The following ARL15 variants were observed in gnomAD, a reference collection of about 807,000 sequenced individuals.
ARL15 encodes the protein ARF like GTPase 15.
In ARL15, 19 loss-of-function variants were observed where a neutral mutation model predicts 25.2. The ratio of observed to expected loss-of-function variants is 0.75; its 90% CI spans 0.53 to 1.10. The LOEUF is 1.10. Ranked by LOEUF, ARL15 falls within the 50% of genes least tolerant of loss-of-function variation. The pLI, the probability that ARL15 is intolerant of heterozygous loss-of-function variation, is 0.00. For missense variants in ARL15, 220 were observed against 246.0 expected (o/e 0.89, Z 0.71); for synonymous variants, 94 against 86.8 (o/e 1.08, Z -0.46).
intron 4 of ARL15, among the ~76,000 whole-genome samples, chr5:54,110,584 C>T (rs1351184374): frequency 6.6e-6 from 1 of 151,908 alleles, no homozygotes; most frequent in East Asian, 1.9e-4. Context: ...GATTAAAATA[C>T]CATCTTTTTA....
At chr5:54,201,705 T>C (rs996719571) in intron 1 of ARL15, among the ~76,000 whole-genome samples, 1 of 152,148 alleles carries the variant, frequency 6.6e-6, no homozygotes, top group Non-Finnish European at 1.5e-5. Flanking sequence ...ACTCAATCTT[T>C]CCTCTTGCAC....
In ARL15 at chr5:53,886,510, C is replaced by T; in HGVS notation, c.*51G>A. The T allele has an allele frequency of 6.6e-7, 1 of 1,505,146 alleles. No individual in the cohort carries two copies. Among genetic ancestry groups the T allele is most frequent in the Non-Finnish European group, 8.9e-7 (1 of 1,129,586 alleles). The allele number at this position is 1,505,146 out of a possible 1,614,324, so 93.2% of individuals were successfully genotyped here. A position where few individuals can be genotyped will look rare whatever the true frequency, so the allele number is the denominator to read the frequency against. ...ACCAAAATAAAATTAAAATGAGAAA[C>T]TAACATGATAGGTTCAAGGCCTTTT... On this transcript the variant is annotated 3_prime_UTR_variant, in exon 5 of 5. Transcript: ENST00000504924.
intron 4 of ARL15, among the ~76,000 whole-genome samples, chr5:54,018,355 G>A (rs1749491063): frequency 6.6e-6 from 1 of 152,096 alleles, no homozygotes. Context: ...TAAATCCAAG[G>A]ATTGCAGACA....
chr5:53,942,610 G>A (rs1184566040), intron 4 of ARL15, among the ~76,000 whole-genome samples: 1 of 152,164 alleles, frequency 6.6e-6, no homozygotes, highest in African/African-American at 2.4e-5. Flanking sequence ...GCTGGGCATG[G>A]TGGCATGCGC....
intron 1 of ARL15, among the ~76,000 whole-genome samples, chr5:54,186,940 T>C (rs1379110908): frequency 1.4e-5 from 2 of 140,430 alleles, no homozygotes; most frequent in Non-Finnish European, 3.1e-5. Flanking sequence ...ACCAGGAAAA[T>C]AAGATTCTTG....
At chr5:54,067,646 T>C (rs1194914244) in intron 4 of ARL15, among the ~76,000 whole-genome samples, 1 of 152,214 alleles carries the variant, frequency 6.6e-6, no homozygotes, top group Non-Finnish European at 1.5e-5. Context: ...GCTCTTTTAC[T>C]GAATATAGCC....
intron 1 of ARL15, among the ~76,000 whole-genome samples, chr5:54,297,165 G>A (rs748082738): frequency 9.9e-5 from 15 of 152,202 alleles, no homozygotes; most frequent in Non-Finnish European, 1.8e-4. Flanking sequence ...ACTAAGAGGG[G>A]TTGCACTACC....
At chr5:54,284,994 A>G (rs1758150397) in intron 1 of ARL15, among the ~76,000 whole-genome samples, 1 of 152,232 alleles carries the variant, frequency 6.6e-6, no homozygotes, top group South Asian at 2.1e-4. Context: ...TATTTGCAAG[A>G]AACTATTTTA....
chr5:54,026,988 G>A (rs1749802895), intron 4 of ARL15, among the ~76,000 whole-genome samples: 1 of 152,146 alleles, frequency 6.6e-6, no homozygotes, highest in Non-Finnish European at 1.5e-5. Context: ...GCTATGGAAG[G>A]TATAGAAAGG....
At position 54,284,173 on chromosome 5, in the gene ARL15, G is replaced by T. The variant is rs552974545; in HGVS notation, c.48+26259C>A. On this transcript the variant is annotated intron_variant, in intron 1 of 4. Coordinates refer to ENST00000504924, the MANE Select transcript of ARL15 (RefSeq NM_019087.3). The stretch of plus-strand genomic sequence containing the variant: ...GGCTGGAGTACAGTGGTGCAATCTG[G>T]AATTACTGTATCCTCAATATCCTGG... Among the ~76,000 whole-genome samples, 8 of 152,246 alleles carry T rather than the reference G, an allele frequency of 5.3e-5. No homozygotes were observed. The South Asian group carries it at 1.7e-3, about 32-fold the overall frequency.
At chr5:54,106,885 C>T (rs1274372864) in intron 4 of ARL15, among the ~76,000 whole-genome samples, 2 of 151,936 alleles carry the variant, frequency 1.3e-5, no homozygotes, top group African/African-American at 4.8e-5. Flanking sequence ...GCGCAGGTTG[C>T]CAAGGGAAAT....
At chr5:53,892,193 G>C (rs1744735769) in intron 4 of ARL15, among the ~76,000 whole-genome samples, 2 of 152,190 alleles carry the variant, frequency 1.3e-5, no homozygotes, top group African/African-American at 4.8e-5. Context: ...TGAATAAAAA[G>C]TATCTGGATA....
At chr5:53,956,179 T>G (rs957613509) in intron 4 of ARL15, among the ~76,000 whole-genome samples, 2 of 151,984 alleles carry the variant, frequency 1.3e-5, no homozygotes, top group African/African-American at 2.4e-5. Flanking sequence ...AAAATCTCTT[T>G]CAGAACACTA....
At chr5:54,222,327 G>GC (rs1186690688) in intron 1 of ARL15, among the ~76,000 whole-genome samples, 1 of 152,126 alleles carries the variant, frequency 6.6e-6, no homozygotes. Flanking sequence ...TTCAAAAGGA[G>GC]CCCCCCAAAA....
intron 1 of ARL15, among the ~76,000 whole-genome samples, chr5:54,250,709 T>C (rs1757216620): frequency 6.6e-6 from 1 of 151,942 alleles, no homozygotes; most frequent in Non-Finnish European, 1.5e-5. Context: ...AAAGGGCCAT[T>C]GAAGATGGAG....
chr5:54,283,091 A>G lies in ARL15; in HGVS notation c.48+27341T>C, dbSNP rs911974097. Among the ~76,000 whole-genome samples, 7 of 152,334 alleles carry G rather than the reference A, an allele frequency of 4.6e-5. No individual in the cohort carries two copies. The South Asian group carries it at 8.3e-4, about 18-fold the overall frequency. ...TTGACAAGTTAAAGCTTCTCCCTAA[A>G]GTTTATAATGTCATAAATCTCAGCA... is the stretch of plus-strand genomic sequence containing the variant. On this transcript the variant is annotated intron_variant, in intron 1 of 4. Transcript: ENST00000504924.
rs114439229 is a variant in ARL15, at chr5:54,044,585, A to G, written c.462+68617T>C. On this transcript the variant is annotated intron_variant, in intron 4 of 4. Transcript: ENST00000504924. ...TTAAAGACACATTTTGAATTTAAAAAAAGGTAAATATGCAACTTTTAGGGG... is the reference window on the plus strand; with the variant it reads ...TTAAAGACACATTTTGAATTTAAAAGAAGGTAAATATGCAACTTTTAGGGG... Among the ~76,000 whole-genome samples, 1,267 of 152,336 alleles carry G rather than the reference A, an allele frequency of 8.3e-3. 24 individuals are homozygous for G. The highest frequency in any genetic ancestry group is 0.029 in the African/African-American group (1,211 of 41,566).
At chr5:54,164,893 C>G (rs2112380584) in intron 2 of ARL15, among the ~76,000 whole-genome samples, 1 of 151,890 alleles carries the variant, frequency 6.6e-6, no homozygotes, top group South Asian at 2.1e-4. Flanking sequence ...TTGACTGTAT[C>G]ACCTTTCTAC....
intron 1 of ARL15, among the ~76,000 whole-genome samples, chr5:54,214,780 A>T (rs1310572763): frequency 4.6e-5 from 7 of 152,106 alleles, no homozygotes; most frequent in African/African-American, 1.4e-4. Flanking sequence ...TTAAACCCTC[A>T]TGTCTCTCAC....
Sources: gnomAD v4.1 joint callset for allele counts (sites outside exome capture counted in the v4.1 genomes callset) on GRCh38, gnomAD v4.1.1 for gene constraint, MANE v1.5 for transcripts, NCBI Gene and HGNC (gene_info 2026-07-23, HGNC 2026-07-21) for gene names.